Variants in MECOM observed in about 807,000 individuals in gnomAD.
The protein encoded by MECOM is histone-lysine N-methyltransferase MECOM.
MECOM carries 13 observed loss-of-function variants against 116.3 expected under a neutral mutation model. The observed-to-expected ratio is 0.11, with a 90% CI of 0.07 to 0.18. MECOM has a LOEUF of 0.18. Among genes scored for constraint, MECOM ranks in the 10% least tolerant of loss-of-function variants. The pLI is 1.00. For missense variants in MECOM, 1,299 were observed against 1,509.0 expected, an observed-to-expected ratio of 0.86 and a Z score of 2.31; for synonymous variants, 528 against 535.2, an observed-to-expected ratio of 0.99 and a Z score of 0.19.
At chr3:169,224,409 T>C (rs1752488323) in intron 2 of MECOM, among the ~76,000 whole-genome samples, 2 of 152,158 alleles carry the variant, frequency 1.3e-5, no homozygotes, top group South Asian at 4.1e-4. Flanking sequence ...CCAAATGAGT[T>C]GTTTTGGTGT....
Position 169,273,214 on chromosome 3 carries a change from A to G in MECOM, c.375+107973T>C, listed in dbSNP as rs549057470. Among the ~76,000 whole-genome samples, 14 of 152,294 alleles carry G rather than the reference A, an allele frequency of 9.2e-5. No individual in the cohort carries two copies. The East Asian group carries it at 2.7e-3, about 29-fold the overall frequency. ...CCTTTGCCACAAATAAGGCATCAGA[A>G]CATTTGTTACAAAGCAAGGGTATAC... On this transcript the variant is annotated intron_variant, in intron 2 of 16. Coordinates refer to ENST00000651503, the MANE Select transcript of MECOM (RefSeq NM_004991.4).
intron 9 of MECOM, among the ~76,000 whole-genome samples, chr3:169,108,850 T>C (rs940678934): frequency 1.3e-5 from 2 of 152,108 alleles, no homozygotes; most frequent in Non-Finnish European, 2.9e-5. Context: ...AGTAGCATGA[T>C]AATCAGCCAA....
At chr3:169,660,862 C>A (rs1776192329) in intron 1 of MECOM, among the ~76,000 whole-genome samples, 1 of 152,166 alleles carries the variant, frequency 6.6e-6, no homozygotes, top group Non-Finnish European at 1.5e-5. Context: ...TGCAACGCAG[C>A]GCTTCTGTCT....
intron 1 of MECOM, chr3:169,483,831 A>C: frequency 6.2e-7 from 1 of 1,611,708 alleles, no homozygotes; most frequent in Non-Finnish European, 8.5e-7. Flanking sequence ...GGAGAAAGGC[A>C]CCTCGGATGT....
intron 1 of MECOM, among the ~76,000 whole-genome samples, chr3:169,415,672 A>AG (rs1738451408): frequency 6.6e-6 from 1 of 152,164 alleles, no homozygotes; most frequent in South Asian, 2.1e-4. Context: ...CTCAAAATAA[A>AG]GGGGCAGAGG....
At position 169,115,809 on chromosome 3, in the gene MECOM, G is replaced by C; in HGVS notation, c.2063C>G (p.Ala688Gly). ...GGGAAACATGGAAGGGTAAGGTAAAGCTCCAACTTTTTTGTCTTGCAGCCC... is the reference window on the plus strand; with the variant it reads ...GGGAAACATGGAAGGGTAAGGTAAACCTCCAACTTTTTTGTCTTGCAGCCC... ...LVGLQDKKVG[A>G]LPYPSMFPLP... is the part of the protein sequence containing the mutation. Residue 688 changes from alanine (A) to glycine (G), a missense_variant, in exon 8 of 17, where the codon GCT (alanine) becomes GGT (glycine). Transcript: ENST00000651503. The C allele has an allele frequency of 6.2e-7, 1 of 1,614,066 alleles. No individual in the cohort carries two copies. The highest frequency in any genetic ancestry group is 1.1e-5 in the South Asian group (1 of 91,084).
intron 2 of MECOM, among the ~76,000 whole-genome samples, chr3:169,209,735 A>T (rs1055990906): frequency 5.9e-5 from 9 of 152,198 alleles, no homozygotes; most frequent in African/African-American, 1.9e-4. Flanking sequence ...GGGCAATAGG[A>T]ATGCTTTTAC....
intron 2 of MECOM, among the ~76,000 whole-genome samples, chr3:169,372,029 C>G (rs538311801): frequency 1.3e-5 from 2 of 152,060 alleles, no homozygotes; most frequent in Admixed American, 6.6e-5. Flanking sequence ...AATGTATTGC[C>G]CAAGCATTGA....
At chr3:169,513,867 C>T (rs1225048315) in intron 1 of MECOM, among the ~76,000 whole-genome samples, 1 of 152,138 alleles carries the variant, frequency 6.6e-6, no homozygotes, top group Admixed American at 6.5e-5. Context: ...CAACCTCTTC[C>T]CACCACTGAA....
At chr3:169,616,130 C>A (rs564942725) in intron 1 of MECOM, among the ~76,000 whole-genome samples, 1 of 152,276 alleles carries the variant, frequency 6.6e-6, no homozygotes, top group African/African-American at 2.4e-5. Flanking sequence ...ATCTCCTACC[C>A]ATGAGGACAA....
intron 1 of MECOM, among the ~76,000 whole-genome samples, chr3:169,622,567 T>C (rs1770884926): frequency 6.6e-6 from 1 of 152,230 alleles, no homozygotes; most frequent in Non-Finnish European, 1.5e-5. Context: ...TGGTGCCCAC[T>C]CAAATATATC....
intron 2 of MECOM, among the ~76,000 whole-genome samples, chr3:169,238,089 C>T (rs748290998): frequency 6.7e-6 from 1 of 149,840 alleles, no homozygotes; most frequent in Non-Finnish European, 1.5e-5. Flanking sequence ...GCAGGAGAAT[C>T]GCTTGAACCC....
chr3:169,358,715 T>A (rs1301526694), intron 2 of MECOM, among the ~76,000 whole-genome samples: 1 of 151,676 alleles, frequency 6.6e-6, no homozygotes, highest in Non-Finnish European at 1.5e-5. Flanking sequence ...AATTAACAGG[T>A]ACTATTTAAT....
At chr3:169,427,633 T>C (rs535243789) in intron 1 of MECOM, among the ~76,000 whole-genome samples, 2 of 152,288 alleles carry the variant, frequency 1.3e-5, no homozygotes, top group South Asian at 2.1e-4. Context: ...AGGTCTAAGT[T>C]TTTTGCAGCA....
rs139135305 is a variant in MECOM at position 169,251,817 on chromosome 3, G to C, written c.376-107985C>G. Among the ~76,000 whole-genome samples, 956 of 152,278 alleles carry C rather than the reference G, an allele frequency of 6.3e-3. 28 individuals are homozygous for C. Among genetic ancestry groups the C allele is most frequent in the Non-Finnish European group, 3.4e-3 (228 of 68,016 alleles). The stretch of plus-strand genomic sequence containing the variant: ...ATTAAAAGCCCCGTCGACTGTGGAA[G>C]TGTGAATGTGTTTCAGGGCAGTTCT... On this transcript the variant is annotated intron_variant, in intron 2 of 16. Transcript: ENST00000651503.
At chr3:169,182,133 A>G (rs1258694896) in intron 2 of MECOM, among the ~76,000 whole-genome samples, 2 of 152,218 alleles carry the variant, frequency 1.3e-5, no homozygotes, top group Non-Finnish European at 2.9e-5. Context: ...GTTTACGATT[A>G]ATTACCTCTG....
chr3:169,482,249 G>C (rs1031485954), intron 1 of MECOM, among the ~76,000 whole-genome samples: 1 of 152,104 alleles, frequency 6.6e-6, no homozygotes, highest in Admixed American at 6.5e-5. Flanking sequence ...AAGACACACT[G>C]GGGCGTGTAC....
chr3:169,248,378 TAATCATCAAATAA>T (rs955737104), intron 2 of MECOM, among the ~76,000 whole-genome samples: 8 of 152,220 alleles, frequency 5.3e-5, no homozygotes, highest in African/African-American at 1.9e-4. Context: ...AGTAGATGCT[TAATCATCAAATAA>T]AATGGAAAAC....
chr3:169,359,034 C>T (rs566081222), intron 2 of MECOM, among the ~76,000 whole-genome samples: 1 of 151,774 alleles, frequency 6.6e-6, no homozygotes, highest in East Asian at 2.0e-4. Flanking sequence ...ATCTATTCTA[C>T]CAGAATTTGG....
Sources: gnomAD v4.1 joint callset for allele counts (sites outside exome capture counted in the v4.1 genomes callset) on GRCh38, gnomAD v4.1.1 for gene constraint, MANE v1.5 for transcripts, NCBI Gene and HGNC (gene_info 2026-07-23, HGNC 2026-07-21) for gene names.